The following SLC1A3 variants were observed in gnomAD, a reference collection of about 807,000 sequenced individuals.
SLC1A3 encodes excitatory amino acid transporter 1.
A neutral mutation model predicts 48.1 loss-of-function variants in SLC1A3; 21 were observed. The ratio of observed to expected loss-of-function variants is 0.44; its 90% CI spans 0.31 to 0.63. SLC1A3 has a LOEUF of 0.63. Among genes scored for constraint, SLC1A3 ranks in the 20% least tolerant of loss-of-function variants. The pLI is 0.08. For synonymous variants in SLC1A3, 239 were observed against 251.4 expected, an observed-to-expected ratio of 0.95 and a Z score of 0.47; for missense variants, 546 against 689.0, an observed-to-expected ratio of 0.79 and a Z score of 2.32.
chr5:36,626,019 G>A (rs1463532949), intron 2 of SLC1A3, among the ~76,000 whole-genome samples: 1 of 152,200 alleles, frequency 6.6e-6, no homozygotes, highest in Non-Finnish European at 1.5e-5. Context: ...GTAAGAGACT[G>A]TGTCATTCAC....
intron 3 of SLC1A3, among the ~76,000 whole-genome samples, chr5:36,653,458 T>C (rs1741166139): frequency 6.6e-6 from 1 of 152,216 alleles, no homozygotes; most frequent in Non-Finnish European, 1.5e-5. Context: ...CACTACTAAA[T>C]TCTTGGCTCT....
At chr5:36,616,169 T>C (rs1179916793) in intron 2 of SLC1A3, among the ~76,000 whole-genome samples, 1 of 152,082 alleles carries the variant, frequency 6.6e-6, no homozygotes, top group African/African-American at 2.4e-5. Flanking sequence ...CACTCCAGCC[T>C]AGGTGACAGA....
At chr5:36,639,838 G>A (rs1008357753) in intron 3 of SLC1A3, among the ~76,000 whole-genome samples, 2 of 152,138 alleles carry the variant, frequency 1.3e-5, no homozygotes, top group East Asian at 1.9e-4. Flanking sequence ...GCGCATGCAC[G>A]CACGCACACA....
chr5:36,670,243 T>C (rs907772272), intron 3 of SLC1A3, among the ~76,000 whole-genome samples: 5 of 152,170 alleles, frequency 3.3e-5, no homozygotes, highest in African/African-American at 1.2e-4. Flanking sequence ...AGGCAGACTT[T>C]GAAGATGTTC....
chr5:36,606,497 C>T (rs1427528847), upstream of SLC1A3: 1 of 152,278 alleles, frequency 6.6e-6, no homozygotes, highest in Non-Finnish European at 1.5e-5. Flanking sequence ...TTCCAGAAAC[C>T]TCGGGGTTTC....
intron 1 of SLC1A3, among the ~76,000 whole-genome samples, chr5:36,597,104 G>A (rs897463468): frequency 2.0e-5 from 3 of 151,960 alleles, no homozygotes; most frequent in Admixed American, 6.6e-5. Context: ...TCTTCAGGCT[G>A]ATTTTGCTGT....
At chr5:36,674,221 A>G (rs1257814668) in intron 5 of SLC1A3, 130 bp downstream of exon 5, 13 of 786,330 alleles carry the variant, frequency 1.7e-5, no homozygotes, top group Non-Finnish European at 2.6e-5. Flanking sequence ...GATTAAAAAC[A>G]CTAGCGTTTT....
intron 3 of SLC1A3, among the ~76,000 whole-genome samples, chr5:36,652,553 G>C (rs1313147282): frequency 6.6e-6 from 1 of 152,150 alleles, no homozygotes; most frequent in African/African-American, 2.4e-5. Context: ...ATCAATAACA[G>C]GTGTACAGTT....
chr5:36,677,338 T>C (rs1414878254), intron 6 of SLC1A3, among the ~76,000 whole-genome samples, 154 bp downstream of exon 6: 1 of 152,250 alleles, frequency 6.6e-6, no homozygotes, highest in Non-Finnish European at 1.5e-5. Context: ...TCTGGGCCTC[T>C]AGAGGCCTTG....
chr5:36,607,681 G>A (rs1447060151), intron 1 of SLC1A3, among the ~76,000 whole-genome samples: 3 of 152,080 alleles, frequency 2.0e-5, no homozygotes, highest in Non-Finnish European at 4.4e-5. Context: ...TGTGCCCAGA[G>A]CACTTTGCTT....
rs963525480 is a variant in SLC1A3 at position 36,687,665 on chromosome 5, C to G, written c.*1396C>G. ...TTGGAATCCCACTTATCAAATCATTCAAAACTTTCAGCTGGAGTGGGGTTT... is the reference window on the plus strand; with the variant it reads ...TTGGAATCCCACTTATCAAATCATTGAAAACTTTCAGCTGGAGTGGGGTTT... On this transcript the variant is annotated 3_prime_UTR_variant, in exon 10 of 10. Coordinates refer to ENST00000265113, the MANE Select transcript of SLC1A3 (RefSeq NM_004172.5). 4.6e-5 allele frequency: 7 copies of G among 152,332 alleles called. No homozygotes were observed. The highest frequency in any genetic ancestry group is 1.7e-4 in the African/African-American group (7 of 41,432). The allele number at this position is 152,332 out of a possible 1,614,324, so 9.4% of individuals were successfully genotyped here.
upstream of SLC1A3, among the ~76,000 whole-genome samples, chr5:36,602,687 CAGTT>C (rs1474310249): frequency 1.3e-5 from 2 of 152,184 alleles, no homozygotes; most frequent in Non-Finnish European, 2.9e-5. Context: ...AGAAAAATAA[CAGTT>C]GGTGTAATTT....
At chr5:36,667,895 T>G (rs1201084353) in intron 3 of SLC1A3, 2 of 152,210 alleles carry the variant, frequency 1.3e-5, no homozygotes, top group Non-Finnish European at 2.9e-5. Flanking sequence ...TAAGCCCAGA[T>G]CAAATGAAGA....
chr5:36,669,843 G>A (rs1345093702), intron 3 of SLC1A3: 2 of 151,472 alleles, frequency 1.3e-5, no homozygotes, highest in African/African-American at 4.9e-5. Context: ...CTCTAAATAT[G>A]TTCATGTGAA....
At chr5:36,618,106 T>C (rs187137904) in intron 2 of SLC1A3, among the ~76,000 whole-genome samples, 52 of 152,348 alleles carry the variant, frequency 3.4e-4, no homozygotes, top group African/African-American at 1.2e-3. Flanking sequence ...AGGAAATCAG[T>C]GCATTGGAAA....
chr5:36,673,620 T>G (rs1742083915), intron 4 of SLC1A3, among the ~76,000 whole-genome samples: 1 of 152,168 alleles, frequency 6.6e-6, no homozygotes, highest in South Asian at 2.1e-4. Flanking sequence ...AGAACAAAAT[T>G]CCATAGGCTG....
At chr5:36,644,810 A>C (rs905658438) in intron 3 of SLC1A3, among the ~76,000 whole-genome samples, 1 of 152,228 alleles carries the variant, frequency 6.6e-6, no homozygotes, top group Non-Finnish European at 1.5e-5. Context: ...TCTGTGGGTC[A>C]GTGATCAGGT....
chr5:36,680,911 A>G (rs1032193433), intron 8 of SLC1A3, among the ~76,000 whole-genome samples: 2 of 114,458 alleles, frequency 1.7e-5, no homozygotes, highest in Non-Finnish European at 3.3e-5. Context: ...GCAAGACTCC[A>G]TCTCAAAAAA....
chr5:36,684,892 C>T (rs947371051), intron 9 of SLC1A3, among the ~76,000 whole-genome samples: 2 of 152,108 alleles, frequency 1.3e-5, no homozygotes, highest in African/African-American at 4.8e-5. Flanking sequence ...TCCTCTACCT[C>T]CTAGGGGTAC....
Sources: gnomAD v4.1 joint callset for allele counts (sites outside exome capture counted in the v4.1 genomes callset) on GRCh38, gnomAD v4.1.1 for gene constraint, MANE v1.5 for transcripts, NCBI Gene and HGNC (gene_info 2026-07-23, HGNC 2026-07-21) for gene names.